SLC25A29: variants seen among roughly 807,000 people sequenced by gnomAD.
SLC25A29 encodes mitochondrial basic amino acids transporter.
A neutral mutation model predicts 10.0 loss-of-function variants in SLC25A29; 13 were observed. The ratio of observed to expected loss-of-function variants is 1.30; its 90% CI spans 0.85 to 2.07. The LOEUF (loss-of-function observed/expected upper bound fraction) is 2.07, where lower values mean the gene tolerates loss of function less well. Ranked by LOEUF, SLC25A29 falls within the 30% of genes most tolerant of loss-of-function variation. The pLI, the probability that SLC25A29 is intolerant of heterozygous loss-of-function variation, is 0.00. For missense variants in SLC25A29, 475 were observed against 447.6 expected (o/e 1.06, Z -0.55); for synonymous variants, 244 against 221.1 (o/e 1.10, Z -0.92).
intron 2 of SLC25A29, chr14:100,298,394 G>T (rs1892314459): frequency 5.3e-6 from 1 of 187,148 alleles, no homozygotes; most frequent in Non-Finnish European, 1.1e-5. Flanking sequence ...CCGGCTAACA[G>T]GGCCCTTCCT....
Position 100,304,538 on chromosome 14 carries a change from G to C in SLC25A29, c.34+1661C>G, listed in dbSNP as rs560934853. ...AGCCTTAGCTGGGTGGCCATTATGT[G>C]CCTGGGGGTTGCACGAAAAGCAGGG... On this transcript the variant is annotated intron_variant, in intron 1 of 3. Coordinates refer to ENST00000359232, the MANE Select transcript of SLC25A29 (RefSeq NM_001039355.3). Among the ~76,000 whole-genome samples the C allele has an allele frequency of 2.6e-4, 39 of 152,294 alleles. 2 individuals carry two copies. In the South Asian group the frequency reaches 8.1e-3, roughly 32 times the overall value.
At chr14:100,285,538 T>A in the SLC25A29 span, among the ~76,000 whole-genome samples, 3 of 151,638 alleles carry the variant, frequency 2.0e-5, no homozygotes. Context: ...GTGGGGGCTG[T>A]CCAGAATCCC....
At chr14:100,288,182 G>A (rs549949317), downstream of SLC25A29, among the ~76,000 whole-genome samples, 2 of 151,982 alleles carry the variant, frequency 1.3e-5, no homozygotes, top group South Asian at 2.1e-4. Flanking sequence ...AGGAGTTTGA[G>A]ACCATCCTGG....
At chr14:100,285,333 C>T in the SLC25A29 span, among the ~76,000 whole-genome samples, 2 of 152,040 alleles carry the variant, frequency 1.3e-5, no homozygotes, top group Non-Finnish European at 2.9e-5. Flanking sequence ...GGCCTGTCCC[C>T]CACGCTGCTC....
chr14:100,293,721 A>ATGCTT, intron 2 of SLC25A29: 1 of 250,134 alleles, frequency 4.0e-6, no homozygotes, highest in South Asian at 6.4e-5. Context: ...TCTCCAGGTG[A>ATGCTT]TGCTTGTCAT....
chr14:100,295,657 C>T, intron 2 of SLC25A29: 1 of 1,289,554 alleles, frequency 7.8e-7, no homozygotes, highest in South Asian at 1.2e-5. Flanking sequence ...TTACGCCCAT[C>T]TACAACAAAG....
At position 100,298,700 on chromosome 14, in the gene SLC25A29, G is replaced by C. The variant is rs926277351; in HGVS notation, c.78+142C>G. ...AGCTGGGAGATGCCAGGACAAAGCAGTGAGGAAGGTTCAACCCGGCCTGGT... is the reference window on the plus strand; with the variant it reads ...AGCTGGGAGATGCCAGGACAAAGCACTGAGGAAGGTTCAACCCGGCCTGGT... On this transcript the variant is annotated intron_variant, in intron 2 of 3. Transcript: ENST00000359232. 1.8e-5 allele frequency: 19 copies of C among 1,027,504 alleles called. 1 individual carries two copies. Among genetic ancestry groups the C allele is most frequent in the South Asian group, 1.3e-4 (10 of 77,648 alleles). 63.6% of individuals were successfully genotyped at this position (1,027,504 alleles called of 1,614,324 possible).
intron 1 of SLC25A29, chr14:100,299,446 G>T (rs1892395059): frequency 1.0e-6 from 1 of 989,736 alleles, no homozygotes; most frequent in Admixed American, 5.7e-5. Context: ...CCCCTTGGGA[G>T]TGACGACCCC....
At chr14:100,299,426 AG>A (rs1221267067) in intron 1 of SLC25A29, 1 of 994,378 alleles carries the variant, frequency 1.0e-6, no homozygotes, top group African/African-American at 1.7e-5. Context: ...GAGACTGAAC[AG>A]GGTAATGGCC....
At chr14:100,281,954 C>G in the SLC25A29 span, 1 of 152,236 alleles carries the variant, frequency 6.6e-6, no homozygotes, top group Non-Finnish European at 1.5e-5. Context: ...TAAGCTGGGA[C>G]TGTACTGAGG....
the SLC25A29 span, chr14:100,278,903 G>T: frequency 6.6e-6 from 1 of 152,262 alleles, no homozygotes. Context: ...CAGGACCTTG[G>T]CTTGTCTGAC....
At chr14:100,288,549 T>TGGCCCTGCTGTCCTCCA (rs1403829702), downstream of SLC25A29, among the ~76,000 whole-genome samples, 1 of 152,030 alleles carries the variant, frequency 6.6e-6, no homozygotes, top group African/African-American at 2.4e-5. Context: ...CTTGAACGTC[T>TGGCCCTGCTGTCCTCCA]GGCCCTGCTG....
rs1389865302 is a variant in SLC25A29, at chr14:100,295,745, C to T, written c.79-2368G>A. The T allele has an allele frequency of 2.3e-6, 3 of 1,289,394 alleles. No homozygotes were observed. The East Asian group carries it at 1.7e-4, about 72-fold the overall frequency. The allele number at this position is 1,289,394 out of a possible 1,614,324, so 79.9% of individuals were successfully genotyped here. On this transcript the variant is annotated intron_variant, in intron 2 of 3. Coordinates refer to ENST00000359232, the MANE Select transcript of SLC25A29 (RefSeq NM_001039355.3). Reference sequence around the variant, plus strand: ...TTAAAGCAACACAAAATTTCAACATCACATCCAGGCGCGGAGCCCCCACAG... The same window carrying T: ...TTAAAGCAACACAAAATTTCAACATTACATCCAGGCGCGGAGCCCCCACAG...
chr14:100,285,600 G>A, the SLC25A29 span, among the ~76,000 whole-genome samples: 4 of 152,116 alleles, frequency 2.6e-5, no homozygotes, highest in Non-Finnish European at 5.9e-5. Flanking sequence ...CCCCCGCGCG[G>A]AGTGAGCCCA....
In SLC25A29 at chr14:100,292,696, C is replaced by T. The variant is rs765106541; in HGVS notation, c.499G>A (p.Val167Ile). The T allele has an allele frequency of 1.9e-6, 3 of 1,602,932 alleles. No individual in the cohort carries two copies. The highest frequency in any genetic ancestry group is 2.3e-5 in the East Asian group (1 of 44,378). ...TLLRETPSFG[V>I]YFLTYDALTR... ...AGAGCGTCATAGGTGAGGAAGTAGA[C>T]GCCGAAGCTGGGCGTCTCACGCAGC... The change falls in exon 4 of 4, where the codon GTC (valine) becomes ATC (isoleucine). Residue 167 changes from valine (V) to isoleucine (I), a missense_variant. Coordinates refer to ENST00000359232, the MANE Select transcript of SLC25A29 (RefSeq NM_001039355.3).
At chr14:100,286,710 C>A (rs2139635424), downstream of SLC25A29, among the ~76,000 whole-genome samples, 2 of 152,340 alleles carry the variant, frequency 1.3e-5, no homozygotes, top group South Asian at 4.1e-4. Context: ...ATCTGCCTCT[C>A]CGTGGGTAGG....
intron 1 of SLC25A29, chr14:100,305,675 G>A (rs1284765372): frequency 6.9e-6 from 1 of 145,352 alleles, no homozygotes; most frequent in Admixed American, 7.1e-5. Context: ...CGCGTAGGAA[G>A]GGGCGGCGTT....
In SLC25A29 at chr14:100,292,523, G is replaced by T; in HGVS notation, c.672C>A (p.Gly224=). 1.3e-6 allele frequency: 2 copies of T among 1,591,214 alleles called. No individual in the cohort carries two copies. Among genetic ancestry groups the T allele is most frequent in the Non-Finnish European group, 8.5e-7 (1 of 1,170,556 alleles). ...CCAGGATGCCGCGGTAGCGCGGGGC[G>T]CCCCGCAGTCCGTCCGCCTGCAGCC... ...KSRLQADGLR[G]APRYRGILDC... is the part of the protein sequence containing the mutation. Residue 224 remains glycine (G), a synonymous_variant, in exon 4 of 4, where the codon GGC becomes GGA. Coordinates refer to ENST00000359232, the MANE Select transcript of SLC25A29 (RefSeq NM_001039355.3).
At chr14:100,287,663 C>T (rs929442780), downstream of SLC25A29, among the ~76,000 whole-genome samples, 5 of 133,312 alleles carry the variant, frequency 3.8e-5, no homozygotes, top group East Asian at 1.3e-3. Flanking sequence ...TCAAGAGGTC[C>T]TCTGGCTTGG....
Sources: allele counts gnomAD v4.1 joint callset (sites outside exome capture counted in the v4.1 genomes callset), GRCh38; gene constraint gnomAD v4.1.1; transcripts MANE v1.5; gene names NCBI Gene and HGNC (gene_info 2026-07-23, HGNC 2026-07-21).